ME2: variants seen among roughly 807,000 people sequenced by gnomAD.
ME2 encodes the protein malic enzyme 2.
Under a neutral mutation model 73.7 loss-of-function variants are expected in ME2, and 60 were observed. That is an observed-to-expected ratio of 0.81 (90% CI 0.66 to 1.01). The LOEUF (loss-of-function observed/expected upper bound fraction) is 1.01, where lower values mean the gene tolerates loss of function less well. Ranked by LOEUF, ME2 falls within the 50% of genes least tolerant of loss-of-function variation. The probability of loss-of-function intolerance (pLI) is 0.00; values close to 1 mark genes in which losing one functional copy is unlikely to be tolerated. For synonymous variants in ME2, 199 were observed against 236.9 expected (o/e 0.84, Z 1.47); for missense variants, 594 against 705.5 (o/e 0.84, Z 1.79).
chr18:50,941,924 GAATT>G (rs1917972551), intron 15 of ME2, among the ~76,000 whole-genome samples: 1 of 151,554 alleles, frequency 6.6e-6, no homozygotes, highest in South Asian at 2.1e-4. Flanking sequence ...TGAGATTGAA[GAATT>G]AATATATATA....
Position 50,924,704 on chromosome 18 carries a change from T to TTTTTTG in ME2, c.1171+497_1171+498insGTTTTT, listed in dbSNP as rs201379581. The stretch of plus-strand genomic sequence containing the variant: ...AGTTTTTTTGTTTTCTTGTTTTTTG[T>TTTTTTG]TTTTTTTTTTGAGACAGAGTCTCAC... On this transcript the variant is annotated intron_variant, in intron 11 of 15. Coordinates refer to ENST00000321341, the MANE Select transcript of ME2 (RefSeq NM_002396.5). Among the ~76,000 whole-genome samples the TTTTTTG allele has an allele frequency of 4.5e-3, 657 of 145,462 alleles. 10 individuals are homozygous for TTTTTTG. The East Asian group carries it at 0.073, about 16-fold the overall frequency.
At chr18:50,925,705 T>G (rs1917534543) in intron 11 of ME2, 51 bp from the exon 12 acceptor site, 1 of 1,516,304 alleles carries the variant, frequency 6.6e-7, no homozygotes. Flanking sequence ...TGATAAGCAT[T>G]GCTTTTATAC....
Position 50,947,420 on chromosome 18 carries a change from C to T in ME2, c.*236C>T. The T allele has an allele frequency of 2.1e-6, 1 of 467,160 alleles. No individual in the cohort carries two copies. The highest frequency in any genetic ancestry group is 3.8e-6 in the Non-Finnish European group (1 of 263,332). 28.9% of individuals were successfully genotyped at this position (467,160 alleles called of 1,614,324 possible). On this transcript the variant is annotated 3_prime_UTR_variant, in exon 16 of 16. Coordinates refer to ENST00000321341, the MANE Select transcript of ME2 (RefSeq NM_002396.5). Reference sequence around the variant, plus strand: ...TGATGCTTTAATTCTAACATACAGCCCGTACCACATCCAGGAGATGTAAAA... The same window carrying T: ...TGATGCTTTAATTCTAACATACAGCTCGTACCACATCCAGGAGATGTAAAA...
intron 12 of ME2, among the ~76,000 whole-genome samples, chr18:50,931,192 G>A (rs1294594583): frequency 6.6e-6 from 1 of 152,176 alleles, no homozygotes; most frequent in African/African-American, 2.4e-5. Context: ...ATAGAGCATA[G>A]TATCAAAATT....
intron 4 of ME2, among the ~76,000 whole-genome samples, chr18:50,913,857 T>TTA (rs202169773): frequency 2.4e-3 from 82 of 33,722 alleles, no homozygotes; most frequent in Admixed American, 0.012. Context: ...ATCAGCAATA[T>TTA]TATACACACA....
chr18:50,910,259 C>T (rs1429664841), intron 3 of ME2, among the ~76,000 whole-genome samples: 1 of 94,304 alleles, frequency 1.1e-5, no homozygotes, highest in African/African-American at 4.5e-5. Flanking sequence ...GAGTGGGACC[C>T]TGTTTCTACA....
At chr18:50,902,571 A>G (rs1303923198) in intron 2 of ME2, among the ~76,000 whole-genome samples, 3 of 151,838 alleles carry the variant, frequency 2.0e-5, no homozygotes, top group Non-Finnish European at 4.4e-5. Context: ...CTAATTTTGT[A>G]TTTTTGGTAG....
At position 50,895,899 on chromosome 18, in the gene ME2, C is replaced by G; in HGVS notation, c.79C>G (p.Pro27Ala). 6 of 1,613,350 alleles carry G rather than the reference C, an allele frequency of 3.7e-6. No individual in the cohort carries two copies. The highest frequency in any genetic ancestry group is 5.1e-6 in the Non-Finnish European group (6 of 1,179,450). Residue 27 changes from proline to alanine, a missense_variant, in exon 2 of 16, where the codon CCA becomes GCA. By Grantham distance (27) the Pro-to-Ala change is conservative (BLOSUM62 -1). Transcript: ENST00000321341. ...RHLHIKEKGK[P>A]LMLNPRTNKG... The stretch of plus-strand genomic sequence containing the variant: ...TTTGCACATAAAAGAAAAAGGCAAG[C>G]CACTTATGCTGAACCCAAGAACAAA...
chr18:50,882,697 C>G (rs1195581347), intron 1 of ME2, among the ~76,000 whole-genome samples: 1 of 150,530 alleles, frequency 6.6e-6, no homozygotes, highest in Non-Finnish European at 1.5e-5. Context: ...GTCTGTAATC[C>G]CAGCACTTTG....
rs1917403532 is a variant in ME2 at position 50,920,617 on chromosome 18, A to C, written c.845-44A>C. On this transcript the variant is annotated intron_variant, in intron 8 of 15. Coordinates refer to ENST00000321341, the MANE Select transcript of ME2 (RefSeq NM_002396.5). ...GATTCCTACTTTTTAAACATTTTTAATGTGCCCATTTTTTATTTGTAAAAA... is the reference window on the plus strand; with the variant it reads ...GATTCCTACTTTTTAAACATTTTTACTGTGCCCATTTTTTATTTGTAAAAA... The C allele has an allele frequency of 1.2e-5, 19 of 1,577,296 alleles. 1 individual carries two copies. The East Asian group carries it at 4.3e-4, about 35-fold the overall frequency.
intron 11 of ME2, among the ~76,000 whole-genome samples, chr18:50,924,956 AAAAT>A (rs1017042272): frequency 6.6e-5 from 10 of 152,020 alleles, no homozygotes; most frequent in Non-Finnish European, 1.0e-4. Flanking sequence ...TCCATCTCAA[AAAAT>A]AAATAAATAA....
rs77821596 is a variant in ME2, at chr18:50,938,803, C to T, written c.1418-767C>T. Among the ~76,000 whole-genome samples the T allele has an allele frequency of 2.0e-3, 306 of 151,864 alleles. 7 individuals carry two copies. In the East Asian group the frequency reaches 0.052, roughly 26 times the overall value. On this transcript the variant is annotated intron_variant, in intron 13 of 15. Transcript: ENST00000321341. ...TAGATATATTCTAGAGCAGGAAATT[C>T]GAGAATATATAAAGTAGCTAAAATA...
chr18:50,913,481 A>C (rs1168324739), intron 4 of ME2, among the ~76,000 whole-genome samples: 1 of 151,918 alleles, frequency 6.6e-6, no homozygotes, highest in African/African-American at 2.4e-5. Context: ...TTACAGGTGC[A>C]CGCCACCATG....
intron 2 of ME2, among the ~76,000 whole-genome samples, chr18:50,899,644 G>A (rs761057739): frequency 3.3e-5 from 5 of 152,078 alleles, no homozygotes; most frequent in Non-Finnish European, 7.4e-5. Flanking sequence ...ACTGGTCACT[G>A]GTGCCAAAGA....
At chr18:50,927,657 G>T (rs1040826261) in intron 12 of ME2, among the ~76,000 whole-genome samples, 2 of 143,710 alleles carry the variant, frequency 1.4e-5, no homozygotes, top group African/African-American at 5.2e-5. Context: ...AGCCGAGATC[G>T]CACCACTGCA....
chr18:50,890,927 A>G (rs1290856503), intron 1 of ME2, among the ~76,000 whole-genome samples: 1 of 152,186 alleles, frequency 6.6e-6, no homozygotes, highest in Non-Finnish European at 1.5e-5. Flanking sequence ...GGGCAGGGCC[A>G]TATTGAGCCT....
intron 2 of ME2, among the ~76,000 whole-genome samples, chr18:50,904,216 T>C (rs572246425): frequency 2.0e-5 from 3 of 152,150 alleles, no homozygotes; most frequent in African/African-American, 4.8e-5. Context: ...TCCATCCTTT[T>C]ACTTTCCACT....
chr18:50,919,128 G>A (rs605902), intron 7 of ME2, among the ~76,000 whole-genome samples: 21,912 of 151,980 alleles, frequency 0.14, 2,419 homozygotes, highest in African/African-American at 0.31. Flanking sequence ...TTCCATTGCC[G>A]CAATCTTGCT....
chr18:50,923,953 G>A (rs1917484481), intron 10 of ME2, 145 bp from the exon 11 acceptor site: 1 of 548,982 alleles, frequency 1.8e-6, no homozygotes, highest in South Asian at 2.9e-5. Flanking sequence ...GATAGAGTTG[G>A]AAGGTATGGG....
Sources: gnomAD v4.1 joint callset for allele counts (sites outside exome capture counted in the v4.1 genomes callset) on GRCh38, gnomAD v4.1.1 for gene constraint, MANE v1.5 for transcripts, NCBI Gene and HGNC (gene_info 2026-07-23, HGNC 2026-07-21) for gene names.